The following TERB1 variants were observed in gnomAD, a reference collection of about 807,000 sequenced individuals.
The protein encoded by TERB1 is telomere repeat binding bouquet formation protein 1.
In TERB1, 63 loss-of-function variants were observed where a neutral mutation model predicts 92.3. The ratio of observed to expected loss-of-function variants is 0.68; its 90% CI spans 0.56 to 0.84. TERB1 has a LOEUF of 0.84. Ranked by LOEUF, TERB1 falls within the 40% of genes least tolerant of loss-of-function variation. TERB1 has a pLI of 0.00. For synonymous variants in TERB1, 252 were observed against 283.9 expected, an observed-to-expected ratio of 0.89 and a Z score of 1.13; for missense variants, 709 against 843.7, an observed-to-expected ratio of 0.84 and a Z score of 1.98.
At chr16:66,783,770 G>C (rs1278235378) in intron 9 of TERB1, among the ~76,000 whole-genome samples, 2 of 152,108 alleles carry the variant, frequency 1.3e-5, no homozygotes, top group Non-Finnish European at 2.9e-5. Flanking sequence ...ATGTTGCCCA[G>C]GCTGCAGTGG....
chr16:66,792,786 A>C (rs961112489), intron 3 of TERB1, among the ~76,000 whole-genome samples: 1 of 152,180 alleles, frequency 6.6e-6, no homozygotes, highest in Non-Finnish European at 1.5e-5. Context: ...TGTATTGAAT[A>C]ATATAGTCAA....
chr16:66,761,199 C>CGGTT, intron 16 of TERB1, among the ~76,000 whole-genome samples: 1 of 151,108 alleles, frequency 6.6e-6, no homozygotes, highest in South Asian at 2.1e-4. Flanking sequence ...TGCCTGTAAC[C>CGGTT]GCAGCACTTT....
chr16:66,795,568 G>A (rs1454713974), intron 3 of TERB1, among the ~76,000 whole-genome samples: 2 of 152,298 alleles, frequency 1.3e-5, no homozygotes, highest in East Asian at 3.9e-4. Context: ...ATGGAAGAGA[G>A]TGAGGTGTGG....
At chr16:66,767,109 A>C (rs991672071) in intron 16 of TERB1, among the ~76,000 whole-genome samples, 1 of 151,740 alleles carries the variant, frequency 6.6e-6, no homozygotes, top group Non-Finnish European at 1.5e-5. Flanking sequence ...CAGGCAGATC[A>C]TTTGAGGTCA....
chr16:66,760,992 G>A (rs1404353490), intron 16 of TERB1, among the ~76,000 whole-genome samples: 2 of 143,720 alleles, frequency 1.4e-5, no homozygotes, highest in Non-Finnish European at 3.0e-5. Flanking sequence ...GGTGCCTGTA[G>A]TCCCAGCTAC....
Position 66,772,733 on chromosome 16 carries a change from T to G in TERB1, c.1128A>C (p.Leu376=). Residue 376 remains leucine, a synonymous_variant, in exon 13 of 19, where the codon CTA becomes CTC. Coordinates refer to ENST00000433154, the MANE Select transcript of TERB1 (RefSeq NM_001136505.2). The stretch of plus-strand genomic sequence containing the variant: ...CATCAAAAGGATATTCTCCTAGACT[T>G]AGAGATAATTTCTCAGCTTTGTAGT... The part of the protein sequence containing the change: ...NCKKITEKLS[L]SLGEYPFDEN... The G allele has an allele frequency of 2.6e-6, 4 of 1,541,762 alleles. No homozygotes were observed. Among genetic ancestry groups the G allele is most frequent in the Non-Finnish European group, 3.5e-6 (4 of 1,143,240 alleles).
At chr16:66,796,628 T>C (rs765915298) in intron 3 of TERB1, 140 bp downstream of exon 3, 2 of 546,256 alleles carry the variant, frequency 3.7e-6, no homozygotes, top group Non-Finnish European at 6.3e-6. Flanking sequence ...CCAGAAATTA[T>C]GTGACAGGCA....
chr16:66,766,073 T>G (rs193013213), intron 16 of TERB1, among the ~76,000 whole-genome samples: 2 of 146,922 alleles, frequency 1.4e-5, no homozygotes, highest in East Asian at 2.1e-4. Context: ...GGGTTTCACC[T>G]TGTTAGCCAG....
At chr16:66,783,574 A>G (rs541575196) in intron 9 of TERB1, among the ~76,000 whole-genome samples, 2 of 152,284 alleles carry the variant, frequency 1.3e-5, no homozygotes, top group East Asian at 3.9e-4. Flanking sequence ...TGCTGGCCTT[A>G]TATGTTGGGA....
intron 3 of TERB1, among the ~76,000 whole-genome samples, chr16:66,795,693 TTC>T (rs1400346958): frequency 6.6e-6 from 1 of 152,216 alleles, no homozygotes; most frequent in East Asian, 1.9e-4. Context: ...TCTTCAGAAA[TTC>T]TGTCTTTTAT....
chr16:66,797,528 C>A (rs1256971152), intron 2 of TERB1, among the ~76,000 whole-genome samples: 1 of 149,912 alleles, frequency 6.7e-6, no homozygotes, highest in Non-Finnish European at 1.5e-5. Flanking sequence ...TGAGCTCCCA[C>A]ACCCAGCCCC....
intron 3 of TERB1, among the ~76,000 whole-genome samples, chr16:66,794,155 A>T (rs1350662055): frequency 1.3e-5 from 2 of 152,034 alleles, no homozygotes; most frequent in Non-Finnish European, 2.9e-5. Context: ...GCTGGAGTGC[A>T]GTGGTGCAAT....
At chr16:66,799,035 T>C (rs1959216840) in intron 2 of TERB1, among the ~76,000 whole-genome samples, 1 of 152,220 alleles carries the variant, frequency 6.6e-6, no homozygotes, top group East Asian at 1.9e-4. Flanking sequence ...TATAAATACA[T>C]ATTGCTTTTG....
At chr16:66,764,158 T>C (rs1347917017) in intron 16 of TERB1, among the ~76,000 whole-genome samples, 1 of 152,164 alleles carries the variant, frequency 6.6e-6, no homozygotes, top group East Asian at 1.9e-4. Context: ...ATTTGTCTTG[T>C]AGAAAGGGCA....
At chr16:66,760,022 A>G (rs1205396955) in intron 16 of TERB1, among the ~76,000 whole-genome samples, 2 of 133,726 alleles carry the variant, frequency 1.5e-5, no homozygotes, top group Admixed American at 7.7e-5. Flanking sequence ...AGTCCCAGCT[A>G]CTTGGGAGGC....
chr16:66,789,616 A>AAAT (rs2018792177), intron 5 of TERB1, among the ~76,000 whole-genome samples: 1 of 145,222 alleles, frequency 6.9e-6, no homozygotes, highest in Non-Finnish European at 1.5e-5. Context: ...AAAAAAAAAA[A>AAAT]AAAAAAAAAA....
chr16:66,771,978 A>G (rs2018460173), intron 13 of TERB1, among the ~76,000 whole-genome samples: 1 of 152,152 alleles, frequency 6.6e-6, no homozygotes, highest in African/African-American at 2.4e-5. Flanking sequence ...CTTGAACCCC[A>G]ATTATTCAGA....
chr16:66,787,224 A>G (rs578205284), intron 6 of TERB1, among the ~76,000 whole-genome samples: 1 of 151,952 alleles, frequency 6.6e-6, no homozygotes, highest in East Asian at 1.9e-4. Context: ...TCAGCCTCCC[A>G]AGTAGCTGGT....
chr16:66,765,044 TGAG>T (rs1261938250), intron 16 of TERB1, among the ~76,000 whole-genome samples: 2 of 152,176 alleles, frequency 1.3e-5, no homozygotes, highest in Non-Finnish European at 2.9e-5. Flanking sequence ...GACTAGGTCT[TGAG>T]GAGAATACTT....
Sources: allele counts gnomAD v4.1 joint callset (sites outside exome capture counted in the v4.1 genomes callset), GRCh38; gene constraint gnomAD v4.1.1; transcripts MANE v1.5; gene names NCBI Gene and HGNC (gene_info 2026-07-23, HGNC 2026-07-21).